NCR3LG1: variants seen among roughly 807,000 people sequenced by gnomAD.
The protein encoded by NCR3LG1 is natural killer cell cytotoxicity receptor 3 ligand 1, also known as natural cytotoxicity triggering receptor 3 ligand 1.
In NCR3LG1, 35 loss-of-function variants were observed where a neutral mutation model predicts 34.8. That is an observed-to-expected ratio of 1.01 (90% CI 0.77 to 1.33). The LOEUF is 1.33. Ranked by LOEUF, NCR3LG1 falls within the 40% of genes most tolerant of loss-of-function variation. NCR3LG1 has a pLI of 0.00. For missense variants in NCR3LG1, 452 were observed against 423.3 expected (o/e 1.07, Z -0.60); for synonymous variants, 173 against 163.6 (o/e 1.06, Z -0.44).
chr11:17,377,515 A>G (rs896832857), downstream of NCR3LG1, among the ~76,000 whole-genome samples: 1 of 152,084 alleles, frequency 6.6e-6, no homozygotes, highest in Non-Finnish European at 1.5e-5. Context: ...ACAAAACTCA[A>G]TTTATCAGGT....
rs927304160 is a variant in NCR3LG1, at chr11:17,367,212, G to A, written c.625G>A (p.Val209Ile). 5 of 1,536,360 alleles carry A rather than the reference G, an allele frequency of 3.3e-6. No homozygotes were observed. The highest frequency in any genetic ancestry group is 2.7e-5 in the African/African-American group (2 of 73,038). ...TIKNMDGTFN[V>I]TSCLKLNSSQ... ...CAAGAATATGGATGGCACATTTAATGTCACTAGCTGCTTGAAGCTGAACTC... is the reference window on the plus strand; with the variant it reads ...CAAGAATATGGATGGCACATTTAATATCACTAGCTGCTTGAAGCTGAACTC... Residue 209 changes from valine to isoleucine, a missense_variant, in exon 3 of 5, where the codon GTC becomes ATC. Transcript: ENST00000338965.
chr11:17,351,902 G>A lies in NCR3LG1; in HGVS notation c.-68G>A, dbSNP rs566129193. 6,951 of 1,246,870 alleles carry A rather than the reference G, an allele frequency of 5.6e-3. 24 individuals carry two copies. Among genetic ancestry groups the A allele is most frequent in the Non-Finnish European group, 7.1e-3 (6,306 of 885,388 alleles). The allele number at this position is 1,246,870 out of a possible 1,614,324, so 77.2% of individuals were successfully genotyped here. A position where few individuals can be genotyped will look rare whatever the true frequency, so the allele number is the denominator to read the frequency against. ...CTTTACGCAACAGAGGTCTCCCCCTGCCCTTGGTTTCTACCGGGCCGCCTG... is the reference window on the plus strand; with the variant it reads ...CTTTACGCAACAGAGGTCTCCCCCTACCCTTGGTTTCTACCGGGCCGCCTG... On this transcript the variant is annotated 5_prime_UTR_variant, in exon 1 of 5. Coordinates refer to ENST00000338965, the MANE Select transcript of NCR3LG1 (RefSeq NM_001202439.3).
chr11:17,351,816 T>A lies in NCR3LG1; in HGVS notation c.-154T>A. The A allele has an allele frequency of 1.7e-6, 1 of 596,086 alleles. No homozygotes were observed. Among genetic ancestry groups the A allele is most frequent in the East Asian group, 3.4e-5 (1 of 29,810 alleles). The allele number at this position is 596,086 out of a possible 1,614,324, so 36.9% of individuals were successfully genotyped here. A position where few individuals can be genotyped will look rare whatever the true frequency, so the allele number is the denominator to read the frequency against. On this transcript the variant is annotated 5_prime_UTR_variant, in exon 1 of 5. Coordinates refer to ENST00000338965, the MANE Select transcript of NCR3LG1 (RefSeq NM_001202439.3). ...GGCGACTTCGCAGTTGCCGAAGGGA[T>A]CTGAAGAAGTGGGATGTGCAAAAGC...
chr11:17,367,293 C>A lies in NCR3LG1; in HGVS notation c.706C>A (p.His236Asn). The change falls in exon 3 of 5, where the codon CAT (histidine) becomes AAT (asparagine). Residue 236 changes from histidine to asparagine, a missense_variant. By Grantham distance (68) the His-to-Asn change is moderately conservative. Coordinates refer to ENST00000338965, the MANE Select transcript of NCR3LG1 (RefSeq NM_001202439.3). Reference sequence around the variant, plus strand: ...GTGTGTGGTACGGCATGCGTCCTTGCATACCCCCTTGAGGAGCAACTTTAC... The same window carrying A: ...GTGTGTGGTACGGCATGCGTCCTTGAATACCCCCTTGAGGAGCAACTTTAC... The part of the protein sequence containing the change: ...YQCVVRHASL[H>N]TPLRSNFTLT... 6.5e-7 allele frequency: 1 copy of A among 1,536,118 alleles called. No individual in the cohort carries two copies. The highest frequency in any genetic ancestry group is 8.7e-7 in the Non-Finnish European group (1 of 1,146,876).
In NCR3LG1 at chr11:17,372,234, G is replaced by A. The variant is rs913079327; in HGVS notation, c.1087G>A (p.Glu363Lys). The A allele has an allele frequency of 5.7e-6, 4 of 702,992 alleles. No individual in the cohort carries two copies. The highest frequency in any genetic ancestry group is 1.7e-5 in the African/African-American group (1 of 57,248). 43.5% of individuals were successfully genotyped at this position (702,992 alleles called of 1,614,324 possible). ...VFCRQEGKWSEVPYVQAFFAL... is the reference protein window; with the variant it reads ...VFCRQEGKWSKVPYVQAFFAL... ...CTGCAGACAGGAGGGCAAATGGTCCGAGGTTCCTTATGTGCAAGCCTTCTT... is the reference window on the plus strand; with the variant it reads ...CTGCAGACAGGAGGGCAAATGGTCCAAGGTTCCTTATGTGCAAGCCTTCTT... The change falls in exon 5 of 5, where the codon GAG becomes AAG. Residue 363 changes from glutamate (E) to lysine (K), a missense_variant. Transcript: ENST00000338965.
intron 2 of NCR3LG1, among the ~76,000 whole-genome samples, chr11:17,361,235 G>A (rs534907429): frequency 3.9e-5 from 6 of 151,996 alleles, no homozygotes; most frequent in South Asian, 2.1e-4. Flanking sequence ...ATGGCTTTCC[G>A]GGATTTTGAC....
chr11:17,372,237 G>A lies in NCR3LG1; in HGVS notation c.1090G>A (p.Val364Ile), dbSNP rs1261676251. 1 of 703,100 alleles carries A rather than the reference G, an allele frequency of 1.4e-6. No individual in the cohort carries two copies. The highest frequency in any genetic ancestry group is 2.0e-5 in the Admixed American group (1 of 50,016). The allele number at this position is 703,100 out of a possible 1,614,324, so 43.6% of individuals were successfully genotyped here. A position where few individuals can be genotyped will look rare whatever the true frequency, so the allele number is the denominator to read the frequency against. ...FCRQEGKWSE[V>I]PYVQAFFALR... is the part of the protein sequence containing the mutation. The stretch of plus-strand genomic sequence containing the variant: ...CAGACAGGAGGGCAAATGGTCCGAG[G>A]TTCCTTATGTGCAAGCCTTCTTTGC... Residue 364 changes from valine (V) to isoleucine (I), a missense_variant, in exon 5 of 5, where the codon GTT (valine) becomes ATT (isoleucine). Transcript: ENST00000338965.
At chr11:17,371,321 T>G (rs1953403585) in intron 4 of NCR3LG1, among the ~76,000 whole-genome samples, 1 of 152,136 alleles carries the variant, frequency 6.6e-6, no homozygotes, top group African/African-American at 2.4e-5. Context: ...GTGAGAAGCC[T>G]TGTCAGCCCT....
rs1227839616 is a variant in NCR3LG1, at chr11:17,363,526, C to T, written c.422-3483C>T. On this transcript the variant is annotated intron_variant, in intron 2 of 4. Transcript: ENST00000338965. The stretch of plus-strand genomic sequence containing the variant: ...TCCCTCCCTCCCTCCCTCCCTCCCT[C>T]CCTCCCTCCCTCCCTCCCTTCCTTC... 1.3e-3 allele frequency among the ~76,000 whole-genome samples: 83 copies of T among 65,292 alleles called. 1 individual carries two copies. The highest frequency in any genetic ancestry group is 2.1e-3 in the South Asian group (3 of 1,454). 42.8% of individuals were successfully genotyped at this position (65,292 alleles called of 152,430 possible). A position where few individuals can be genotyped will look rare whatever the true frequency, so the allele number is the denominator to read the frequency against.
At chr11:17,354,395 G>A (rs1411974693) in intron 1 of NCR3LG1, among the ~76,000 whole-genome samples, 4 of 152,200 alleles carry the variant, frequency 2.6e-5, no homozygotes, top group African/African-American at 9.6e-5. Flanking sequence ...GAAAATAGAC[G>A]AGGTTTCCCA....
At chr11:17,371,416 T>C (rs1469557463) in intron 4 of NCR3LG1, among the ~76,000 whole-genome samples, 1 of 152,162 alleles carries the variant, frequency 6.6e-6, no homozygotes, top group Non-Finnish European at 1.5e-5. Context: ...TTTGTAAGCA[T>C]AAAAACTCCT....
chr11:17,366,764 C>T (rs1440984138), intron 2 of NCR3LG1, among the ~76,000 whole-genome samples: 2 of 152,188 alleles, frequency 1.3e-5, no homozygotes, highest in Non-Finnish European at 1.5e-5. Context: ...AGATGTCAGG[C>T]TGATAATAAG....
Position 17,373,720 on chromosome 11 carries a change from C to T in NCR3LG1, c.*1208C>T, listed in dbSNP as rs1267736990. ...GACTTTAACTTGATATTTTTCTCAA[C>T]CTATTAGTTGCAGTCAGAGGGACCT... is the stretch of plus-strand genomic sequence containing the variant. On this transcript the variant is annotated 3_prime_UTR_variant, in exon 5 of 5. Coordinates refer to ENST00000338965, the MANE Select transcript of NCR3LG1 (RefSeq NM_001202439.3). The T allele has an allele frequency of 6.6e-6, 1 of 152,228 alleles. No individual in the cohort carries two copies. The highest frequency in any genetic ancestry group is 2.4e-5 in the African/African-American group (1 of 41,452). The allele number at this position is 152,228 out of a possible 1,614,324, so 9.4% of individuals were successfully genotyped here. A position where few individuals can be genotyped will look rare whatever the true frequency, so the allele number is the denominator to read the frequency against.
At chr11:17,379,930 G>T (rs1953505104), downstream of NCR3LG1, among the ~76,000 whole-genome samples, 1 of 152,148 alleles carries the variant, frequency 6.6e-6, no homozygotes, top group Non-Finnish European at 1.5e-5. Context: ...AGTGCAGTCA[G>T]CTGATGGGCT....
At chr11:17,378,767 A>G (rs1953496961), downstream of NCR3LG1, among the ~76,000 whole-genome samples, 1 of 152,234 alleles carries the variant, frequency 6.6e-6, no homozygotes. Context: ...ACAAAAGAAC[A>G]GCTTGAAAAA....
At chr11:17,369,912 C>G (rs1953388324) in intron 4 of NCR3LG1, among the ~76,000 whole-genome samples, 3 of 152,146 alleles carry the variant, frequency 2.0e-5, no homozygotes, top group Non-Finnish European at 4.4e-5. Flanking sequence ...TTCCTTCAAA[C>G]AAAAGAACAG....
rs1354740722 is a variant in NCR3LG1 at position 17,373,864 on chromosome 11, C to T, written c.*1352C>T. On this transcript the variant is annotated 3_prime_UTR_variant, in exon 5 of 5. Transcript: ENST00000338965. The stretch of plus-strand genomic sequence containing the variant: ...GGCTCCAGGACAAACTCCGCCTCCC[C>T]TTAGTGGAAACCAGTATTAACCCAG... The T allele has an allele frequency of 6.6e-6, 1 of 152,242 alleles. No homozygotes were observed. The highest frequency in any genetic ancestry group is 1.5e-5 in the Non-Finnish European group (1 of 68,086). The allele number at this position is 152,242 out of a possible 1,614,324, so 9.4% of individuals were successfully genotyped here. A position where few individuals can be genotyped will look rare whatever the true frequency, so the allele number is the denominator to read the frequency against.
chr11:17,356,441 G>A (rs1420231269), intron 1 of NCR3LG1, among the ~76,000 whole-genome samples: 2 of 151,998 alleles, frequency 1.3e-5, no homozygotes, highest in Non-Finnish European at 2.9e-5. Context: ...CTGGCCTCAT[G>A]TCTTTTCTTG....
intron 2 of NCR3LG1, among the ~76,000 whole-genome samples, chr11:17,358,121 C>T (rs558154855): frequency 3.2e-4 from 48 of 152,278 alleles, no homozygotes; most frequent in African/African-American, 1.1e-3. Flanking sequence ...ACCATTTCCC[C>T]TGTTATTAAC....
Sources: allele counts gnomAD v4.1 joint callset (sites outside exome capture counted in the v4.1 genomes callset), GRCh38; gene constraint gnomAD v4.1.1; transcripts MANE v1.5; gene names NCBI Gene and HGNC (gene_info 2026-07-23, HGNC 2026-07-21).